The following CCDC157 variants were observed in gnomAD, a reference collection of about 807,000 sequenced individuals.
CCDC157 encodes the protein coiled-coil domain-containing protein 157.
Under a neutral mutation model 70.9 loss-of-function variants are expected in CCDC157, and 60 were observed. The ratio of observed to expected loss-of-function variants is 0.85; its 90% CI spans 0.69 to 1.05. The LOEUF (loss-of-function observed/expected upper bound fraction) is 1.05. CCDC157 is among the 50% of genes least tolerant of loss of function. The pLI is 0.00. For synonymous variants in CCDC157, 373 were observed against 422.4 expected, an observed-to-expected ratio of 0.88 and a Z score of 1.43; for missense variants, 943 against 984.2, an observed-to-expected ratio of 0.96 and a Z score of 0.56.
intron 10 of CCDC157, 85 bp from the exon 11 acceptor site, chr22:30,376,174 C>G: frequency 4.6e-6 from 6 of 1,300,542 alleles, no homozygotes; most frequent in Non-Finnish European, 4.4e-6. Flanking sequence ...CTTCCCTCCC[C>G]ATCCCTGGCT....
chr22:30,357,405 C>G (rs2145838281), intron 1 of CCDC157, among the ~76,000 whole-genome samples: 1 of 152,348 alleles, frequency 6.6e-6, no homozygotes, highest in East Asian at 1.9e-4. Flanking sequence ...TCCCACGGAA[C>G]CTGCCTTTTC....
chr22:30,368,735 C>T (rs1042316144), intron 3 of CCDC157: 3 of 152,248 alleles, frequency 2.0e-5, no homozygotes, highest in African/African-American at 7.2e-5. Flanking sequence ...CCTGCATCTG[C>T]AAAAAGCTAA....
intron 2 of CCDC157, among the ~76,000 whole-genome samples, chr22:30,365,581 C>T (rs997143761): frequency 6.6e-6 from 1 of 152,124 alleles, no homozygotes; most frequent in African/African-American, 2.4e-5. Context: ...ATGACAGTGG[C>T]CTGGTGTGGC....
intron 7 of CCDC157, 113 bp from the exon 8 acceptor site, chr22:30,373,484 C>T: frequency 1.7e-6 from 2 of 1,202,958 alleles, no homozygotes; most frequent in African/African-American, 1.5e-5. Flanking sequence ...CAGACACACA[C>T]CCCAGGGGGG....
chr22:30,357,402 G>A (rs535255309), intron 1 of CCDC157, among the ~76,000 whole-genome samples: 1 of 152,240 alleles, frequency 6.6e-6, no homozygotes, highest in South Asian at 2.1e-4. Context: ...TTTTCCCACG[G>A]AACCTGCCTT....
chr22:30,369,326 C>T (rs1356812111), intron 3 of CCDC157, 106 bp from the exon 4 acceptor site: 9 of 1,041,236 alleles, frequency 8.6e-6, no homozygotes, highest in East Asian at 2.9e-5. Context: ...ACTCTCCAAG[C>T]TCTTGATGCC....
intron 10 of CCDC157, 100 bp from the exon 11 acceptor site, chr22:30,376,159 C>A: frequency 9.1e-7 from 1 of 1,103,220 alleles, no homozygotes; most frequent in Middle Eastern, 2.7e-4. Context: ...GATATGCGCC[C>A]GGCCCTTCCC....
At chr22:30,373,474 C>A in intron 7 of CCDC157, 123 bp from the exon 8 acceptor site, 2 of 1,076,598 alleles carry the variant, frequency 1.9e-6, no homozygotes, top group Non-Finnish European at 2.6e-6. Context: ...TCCCTAGACA[C>A]AGACACACAC....
chr22:30,361,548 T>C (rs1932351249), intron 1 of CCDC157, among the ~76,000 whole-genome samples: 1 of 152,166 alleles, frequency 6.6e-6, no homozygotes, highest in Non-Finnish European at 1.5e-5. Flanking sequence ...GGGTAGCATT[T>C]CCTGTACCCC....
chr22:30,375,607 C>T lies in CCDC157; in HGVS notation c.1801C>T (p.Arg601Trp), dbSNP rs111283506. ...RIRVLQEENG[R>W]LQSMLSKIRE... ...CCGGGTCCTACAGGAGGAGAACGGG[C>T]GGCTCCAATCAATGCTGTCCAAAAT... is the stretch of plus-strand genomic sequence containing the variant. The change falls in exon 10 of 12, where the codon CGG becomes TGG. Residue 601 changes from arginine (R) to tryptophan (W), a missense_variant. Arg to Trp is a moderately radical substitution (Grantham distance 101). Coordinates refer to ENST00000338306, the MANE Select transcript of CCDC157 (RefSeq NM_001017437.5). The T allele has an allele frequency of 1.4e-5, 22 of 1,614,124 alleles. No individual in the cohort carries two copies. Among genetic ancestry groups the T allele is most frequent in the African/African-American group, 1.2e-4 (9 of 75,066 alleles).
intron 2 of CCDC157, among the ~76,000 whole-genome samples, chr22:30,364,533 G>A (rs570675901): frequency 1.3e-5 from 2 of 152,240 alleles, no homozygotes; most frequent in South Asian, 4.2e-4. Context: ...ATGGGGCTGG[G>A]TGCCGTGGCT....
Position 30,375,565 on chromosome 22 carries a change from T to A in CCDC157, c.1759T>A (p.Ser587Thr). The change falls in exon 10 of 12, where the codon TCC becomes ACC. Residue 587 changes from serine to threonine, a missense_variant. Coordinates refer to ENST00000338306, the MANE Select transcript of CCDC157 (RefSeq NM_001017437.5). Reference protein sequence around the residue: ...VTDHMERQVQSNDIRIRVLQE... With the variant: ...VTDHMERQVQTNDIRIRVLQE... ...AGATCACATGGAGAGGCAAGTGCAG[T>A]CCAACGACATCCGCATCCGGGTCCT... The A allele has an allele frequency of 6.2e-7, 1 of 1,614,210 alleles. No homozygotes were observed. The highest frequency in any genetic ancestry group is 8.5e-7 in the Non-Finnish European group (1 of 1,180,048).
chr22:30,377,082 G>A lies in CCDC157; in HGVS notation c.*337G>A, dbSNP rs901857416. On this transcript the variant is annotated 3_prime_UTR_variant, in exon 12 of 12. Transcript: ENST00000338306. ...TTTTTCTATCCCCAGAGCAAGGGTCGAGGGGTGAACCTTGGCTCAGTGGCC... is the reference window on the plus strand; with the variant it reads ...TTTTTCTATCCCCAGAGCAAGGGTCAAGGGGTGAACCTTGGCTCAGTGGCC... The A allele has an allele frequency of 3.0e-5, 11 of 367,142 alleles. No individual in the cohort carries two copies. The highest frequency in any genetic ancestry group is 1.0e-4 in the South Asian group (3 of 29,602). The allele number at this position is 367,142 out of a possible 1,614,324, so 22.7% of individuals were successfully genotyped here.
At chr22:30,372,403 T>A in intron 7 of CCDC157, 117 bp downstream of exon 7, 2 of 1,335,980 alleles carry the variant, frequency 1.5e-6, no homozygotes, top group Non-Finnish European at 2.0e-6. Flanking sequence ...CTGAGATGCC[T>A]CCAGGTGTGG....
At position 30,372,304 on chromosome 22, in the gene CCDC157, G is replaced by A. The variant is rs1334918256; in HGVS notation, c.1335+18G>A. 1.3e-6 allele frequency: 2 copies of A among 1,514,240 alleles called. No homozygotes were observed. The highest frequency in any genetic ancestry group is 8.8e-7 in the Non-Finnish European group (1 of 1,134,540). The allele number at this position is 1,514,240 out of a possible 1,614,324, so 93.8% of individuals were successfully genotyped here. On this transcript the variant is annotated intron_variant, in intron 7 of 11. Coordinates refer to ENST00000338306, the MANE Select transcript of CCDC157 (RefSeq NM_001017437.5). ...ACCAGGAGGTGAGGCCAGGGCCCTC[G>A]CTAGCCTGGGCATCTGCAATGTAGG...
In CCDC157 at chr22:30,369,149, G is replaced by T. The variant is rs531763056; in HGVS notation, c.249-283G>T. The T allele has an allele frequency of 1.0e-5, 3 of 288,948 alleles. No individual in the cohort carries two copies. In the East Asian group the frequency reaches 1.7e-4, roughly 17 times the overall value. The allele number at this position is 288,948 out of a possible 1,614,324, so 17.9% of individuals were successfully genotyped here. On this transcript the variant is annotated intron_variant, in intron 3 of 11. Transcript: ENST00000338306. ...CAGGATACAACTGAGGCAAGGCCAG[G>T]CCTGGCTTCACAGAGCTCCCTGGTC...
In CCDC157 at chr22:30,370,195, T is replaced by A. The variant is rs1435269062; in HGVS notation, c.421-131T>A. On this transcript the variant is annotated intron_variant, in intron 4 of 11. Transcript: ENST00000338306. Reference sequence around the variant, plus strand: ...AAGTTCTCTCTTATTCACGTCGGTGTCAGAGAACATTTGAGGGTCTGAGTG... The same window carrying A: ...AAGTTCTCTCTTATTCACGTCGGTGACAGAGAACATTTGAGGGTCTGAGTG... 7.0e-6 allele frequency: 7 copies of A among 1,003,600 alleles called. No individual in the cohort carries two copies. In the East Asian group the frequency reaches 1.7e-4, roughly 24 times the overall value. 62.2% of individuals were successfully genotyped at this position (1,003,600 alleles called of 1,614,324 possible).
At chr22:30,369,248 G>T in intron 3 of CCDC157, 184 bp from the exon 4 acceptor site, 1 of 445,694 alleles carries the variant, frequency 2.2e-6, no homozygotes, top group Non-Finnish European at 3.8e-6. Context: ...CTGTGGCCAG[G>T]GAGGGCTTCC....
chr22:30,363,685 T>C (rs910394710), intron 2 of CCDC157, among the ~76,000 whole-genome samples: 1 of 3,748 alleles, frequency 2.7e-4, no homozygotes, highest in Non-Finnish European at 3.7e-4. Context: ...ATGTTTCTCT[T>C]TTTTTTTTTT....
Sources: allele counts gnomAD v4.1 joint callset (sites outside exome capture counted in the v4.1 genomes callset), GRCh38; gene constraint gnomAD v4.1.1; transcripts MANE v1.5; gene names NCBI Gene and HGNC (gene_info 2026-07-23, HGNC 2026-07-21).